Variants in INPP5D observed in about 807,000 individuals in gnomAD.
The protein encoded by INPP5D is phosphatidylinositol 3,4,5-trisphosphate 5-phosphatase 1.
Under a neutral mutation model 122.9 loss-of-function variants are expected in INPP5D, and 33 were observed. That is an observed-to-expected ratio of 0.27 (90% confidence interval 0.20 to 0.36). The LOEUF is 0.36. INPP5D is among the 10% of genes least tolerant of loss of function. INPP5D has a pLI of 1.00. For synonymous variants in INPP5D, 584 were observed against 576.2 expected (o/e 1.01, Z -0.19); for missense variants, 1,053 against 1,412.7 (o/e 0.75, Z 4.08).
chr2:233,099,794 G>A (rs1030913612), intron 2 of INPP5D, among the ~76,000 whole-genome samples: 3 of 152,168 alleles, frequency 2.0e-5, no homozygotes, highest in African/African-American at 7.2e-5. Context: ...GGTGGGGCGT[G>A]TATTAGTCTG....
intron 18 of INPP5D, among the ~76,000 whole-genome samples, chr2:233,180,547 T>C (rs1694757682): frequency 6.6e-6 from 1 of 152,162 alleles, no homozygotes. Flanking sequence ...TTTTTTGTTT[T>C]GTTTTGTTTT....
chr2:233,063,898 C>T (rs1025982424), intron 1 of INPP5D, among the ~76,000 whole-genome samples: 4 of 152,264 alleles, frequency 2.6e-5, no homozygotes, highest in African/African-American at 7.2e-5. Flanking sequence ...CTCCAGGGGA[C>T]GTTGGGTACA....
At position 233,096,178 on chromosome 2, in the gene INPP5D, A is replaced by G. The variant is rs892867796; in HGVS notation, c.198+16780A>G. On this transcript the variant is annotated intron_variant, in intron 2 of 26. Transcript: ENST00000445964. ...GTTGAAGGAATGCGTATATGATTGT[A>G]AAATACTGCCAAACTGCTTTGCCCG... Among the ~76,000 whole-genome samples the G allele has an allele frequency of 3.9e-5, 6 of 152,328 alleles. No individual in the cohort carries two copies. In the East Asian group the frequency reaches 1.2e-3, roughly 29 times the overall value.
chr2:233,122,303 G>A (rs780418530), intron 3 of INPP5D, 46 bp downstream of exon 3: 4 of 1,586,570 alleles, frequency 2.5e-6, no homozygotes, highest in South Asian at 1.1e-5. Context: ...TTGGGAACTT[G>A]CCCTGCACCC....
At chr2:233,162,356 T>C in intron 11 of INPP5D, among the ~76,000 whole-genome samples, 1 of 152,186 alleles carries the variant, frequency 6.6e-6, no homozygotes, top group East Asian at 1.9e-4. Context: ...ATATATATGC[T>C]CATAGACATT....
chr2:233,173,217 A>T (rs1026989447), intron 17 of INPP5D, among the ~76,000 whole-genome samples: 23 of 151,866 alleles, frequency 1.5e-4, no homozygotes, highest in Non-Finnish European at 2.9e-4. Flanking sequence ...TCAAAAAAAA[A>T]AAAAAAAAAA....
chr2:233,173,178 C>T (rs965402637), intron 17 of INPP5D, among the ~76,000 whole-genome samples: 5 of 149,576 alleles, frequency 3.3e-5, no homozygotes, highest in Non-Finnish European at 5.9e-5. Context: ...CATTGCATGC[C>T]AGCCTGGGTG....
At chr2:233,200,114 G>A (rs956728790) in intron 25 of INPP5D, among the ~76,000 whole-genome samples, 7 of 152,330 alleles carry the variant, frequency 4.6e-5, no homozygotes, top group East Asian at 1.9e-4. Flanking sequence ...AGCCCCGGAC[G>A]GTGGAGAAAA....
At chr2:233,127,094 T>G (rs578134778) in intron 4 of INPP5D, among the ~76,000 whole-genome samples, 5 of 152,180 alleles carry the variant, frequency 3.3e-5, no homozygotes, top group African/African-American at 7.2e-5. Context: ...CAACTCCATC[T>G]CCTCCTCATC....
intron 5 of INPP5D, among the ~76,000 whole-genome samples, chr2:233,134,659 G>T (rs57283415): frequency 1.2e-3 from 184 of 152,276 alleles, no homozygotes; most frequent in African/African-American, 4.3e-3. Context: ...CAGAGAGAGA[G>T]AATAAGGAAC....
intron 18 of INPP5D, among the ~76,000 whole-genome samples, chr2:233,180,690 C>A (rs1053566081): frequency 3.3e-5 from 5 of 152,178 alleles, no homozygotes; most frequent in African/African-American, 1.2e-4. Flanking sequence ...AGGCGCCCAC[C>A]ACCACGCCCA....
intron 5 of INPP5D, among the ~76,000 whole-genome samples, chr2:233,139,279 T>A (rs2106272734): frequency 6.6e-6 from 1 of 152,246 alleles, no homozygotes; most frequent in Non-Finnish European, 1.5e-5. Flanking sequence ...AAAGAGCGCA[T>A]AAAGCCCGAG....
chr2:233,191,070 G>A (rs1695044452), intron 22 of INPP5D, among the ~76,000 whole-genome samples: 1 of 152,186 alleles, frequency 6.6e-6, no homozygotes, highest in South Asian at 2.1e-4. Flanking sequence ...TTCTCATGTT[G>A]CTGTAAGGAC....
In INPP5D at chr2:233,082,044, G is replaced by A. The variant is rs1415326785; in HGVS notation, c.198+2646G>A. Among the ~76,000 whole-genome samples, 1 of 152,210 alleles carries A rather than the reference G, an allele frequency of 6.6e-6. No individual in the cohort carries two copies. Among genetic ancestry groups the A allele is most frequent in the Non-Finnish European group, 1.5e-5 (1 of 68,032 alleles). ...GCTTAGCCAGGACAGTGGGCGGGCA[G>A]CTTTCAGAGAAGATGGGCGGCTCTG... On this transcript the variant is annotated intron_variant, in intron 2 of 26. Transcript: ENST00000445964. The surrounding 1 kb of genome is among the most constrained non-coding windows in gnomAD (Gnocchi z 4.7).
intron 2 of INPP5D, among the ~76,000 whole-genome samples, chr2:233,109,058 C>A (rs564565522): frequency 6.6e-6 from 1 of 152,330 alleles, no homozygotes; most frequent in Admixed American, 6.5e-5. Context: ...AAAACAGAAG[C>A]TATGTCCTAT....
At position 233,206,770 on chromosome 2, in the gene INPP5D, C is replaced by G. The variant is rs777347963; in HGVS notation, c.*62C>G. 1 of 740,360 alleles carries G rather than the reference C, an allele frequency of 1.4e-6. No homozygotes were observed. Among genetic ancestry groups the G allele is most frequent in the South Asian group, 1.4e-5 (1 of 69,212 alleles). 45.9% of individuals were successfully genotyped at this position (740,360 alleles called of 1,614,324 possible). ...AGGAACGGCGTGAAGCCACTGGACC[C>G]TCTCCCGGGACCTCCTGCTGGCTCC... On this transcript the variant is annotated 3_prime_UTR_variant, in exon 27 of 27. Transcript: ENST00000445964. The surrounding 1 kb of genome is among the most constrained non-coding windows in gnomAD (Gnocchi z 4.0).
intron 11 of INPP5D, among the ~76,000 whole-genome samples, chr2:233,162,074 T>C (rs1694212969): frequency 6.6e-6 from 1 of 152,174 alleles, no homozygotes; most frequent in Non-Finnish European, 1.5e-5. Flanking sequence ...CGTGGGTTAC[T>C]CTGTATGTCT....
intron 13 of INPP5D, among the ~76,000 whole-genome samples, chr2:233,167,657 C>T (rs976772807): frequency 2.0e-5 from 3 of 152,158 alleles, no homozygotes; most frequent in Non-Finnish European, 4.4e-5. Flanking sequence ...AAGGTTGAGC[C>T]AGGTGATATC....
intron 20 of INPP5D, 73 bp downstream of exon 20, chr2:233,184,594 A>C: frequency 1.3e-6 from 2 of 1,563,392 alleles, no homozygotes; most frequent in East Asian, 2.3e-5. Context: ...CATACTTGGC[A>C]CTTTGCCCCA....
Sources: gnomAD v4.1 joint callset for allele counts (sites outside exome capture counted in the v4.1 genomes callset) on GRCh38, gnomAD v4.1.1 for gene constraint, Gnocchi (gnomAD v3.1) non-coding constraint, MANE v1.5 for transcripts, NCBI Gene and HGNC (gene_info 2026-07-23, HGNC 2026-07-21) for gene names.